DGKB: variants seen among roughly 807,000 people sequenced by gnomAD.
The protein encoded by DGKB is diacylglycerol kinase beta.
In DGKB, 67 loss-of-function variants were observed where a neutral mutation model predicts 114.3. The ratio of observed to expected loss-of-function variants is 0.59; its 90% confidence interval spans 0.48 to 0.72. The LOEUF (loss-of-function observed/expected upper bound fraction) is 0.72. DGKB is among the 30% of genes least tolerant of loss of function. DGKB has a pLI of 0.00. For synonymous variants in DGKB, 398 were observed against 323.1 expected (o/e 1.23, Z -2.49); for missense variants, 907 against 975.2 (o/e 0.93, Z 0.93).
chr7:14,389,642 G>A (rs192113474), intron 21 of DGKB, among the ~76,000 whole-genome samples: 11 of 152,266 alleles, frequency 7.2e-5, no homozygotes, highest in Admixed American at 3.9e-4. Flanking sequence ...TCCTCTAAGC[G>A]AAATCAATCA....
At chr7:14,685,847 G>C (rs539345464) in intron 9 of DGKB, among the ~76,000 whole-genome samples, 33 of 152,280 alleles carry the variant, frequency 2.2e-4, no homozygotes, top group African/African-American at 7.9e-4. Flanking sequence ...AGGTGGCAGA[G>C]GAATGGGATG....
At chr7:14,784,127 A>G (rs992383635) in intron 2 of DGKB, among the ~76,000 whole-genome samples, 1 of 152,092 alleles carries the variant, frequency 6.6e-6, no homozygotes, top group African/African-American at 2.4e-5. Flanking sequence ...AAGTAAATAT[A>G]ATTAGATTAT....
At chr7:14,632,288 C>T (rs1472574996) in intron 13 of DGKB, among the ~76,000 whole-genome samples, 1 of 151,746 alleles carries the variant, frequency 6.6e-6, no homozygotes, top group Non-Finnish European at 1.5e-5. Flanking sequence ...ATAATAATGT[C>T]ATTAGGTAGA....
chr7:14,325,856 T>C (rs1195642806), intron 23 of DGKB, among the ~76,000 whole-genome samples: 1 of 152,154 alleles, frequency 6.6e-6, no homozygotes, highest in African/African-American at 2.4e-5. Flanking sequence ...GGCTATATGT[T>C]TGGATGTGCT....
At chr7:14,870,643 A>G (rs1027570999) in intron 1 of DGKB, among the ~76,000 whole-genome samples, 2 of 152,070 alleles carry the variant, frequency 1.3e-5, no homozygotes, top group Non-Finnish European at 2.9e-5. Flanking sequence ...TAAAAATACA[A>G]AAACACCCGG....
chr7:14,181,807 T>A (rs1584295972), intron 23 of DGKB, among the ~76,000 whole-genome samples: 1 of 152,330 alleles, frequency 6.6e-6, no homozygotes, highest in South Asian at 2.1e-4. Context: ...GAAAACAAAG[T>A]ACGTTTCTGA....
rs186583939 is a variant in DGKB, at chr7:14,530,871, G to A, written c.1770+43341C>T. Among the ~76,000 whole-genome samples the A allele has an allele frequency of 1.9e-3, 287 of 151,368 alleles. 2 individuals are homozygous for A. The highest frequency in any genetic ancestry group is 6.6e-3 in the African/African-American group (275 of 41,424). On this transcript the variant is annotated intron_variant, in intron 20 of 25. Transcript: ENST00000402815. ...TGAATGAATACAAACTTTATTTCCCGGTTCATTTTATCTAGGCTATTTTCT... is the reference window on the plus strand; with the variant it reads ...TGAATGAATACAAACTTTATTTCCCAGTTCATTTTATCTAGGCTATTTTCT...
intron 17 of DGKB, among the ~76,000 whole-genome samples, chr7:14,593,730 G>C (rs1345480624): frequency 2.6e-5 from 4 of 151,722 alleles, no homozygotes; most frequent in African/African-American, 7.2e-5. Flanking sequence ...CTGAGCTTCT[G>C]CACTAGGCCC....
At position 14,613,285 on chromosome 7, in the gene DGKB, G is replaced by A. The variant is rs147026437; in HGVS notation, c.1358+55C>T. ...TTAAGCATTTTTACATCATAGTTTT[G>A]TCTATTTTTTTACATATACATGACA... On this transcript the variant is annotated intron_variant, in intron 16 of 25. Transcript: ENST00000402815. 99 of 1,034,484 alleles carry A rather than the reference G, an allele frequency of 9.6e-5. No homozygotes were observed. The African/African-American group carries it at 1.2e-3, about 13-fold the overall frequency. 64.1% of individuals were successfully genotyped at this position (1,034,484 alleles called of 1,614,324 possible). A position where few individuals can be genotyped will look rare whatever the true frequency, so the allele number is the denominator to read the frequency against.
chr7:14,773,790 T>A (rs7776924), intron 2 of DGKB, among the ~76,000 whole-genome samples: 53,582 of 151,846 alleles, frequency 0.35, 12,935 homozygotes, highest in African/African-American at 0.67. Flanking sequence ...CATAAATAAA[T>A]ATATATATAT....
chr7:14,226,858 T>G (rs1790881576), intron 23 of DGKB, among the ~76,000 whole-genome samples: 1 of 152,090 alleles, frequency 6.6e-6, no homozygotes, highest in Non-Finnish European at 1.5e-5. Context: ...TACTTTAAAT[T>G]ACATAATTTT....
chr7:14,293,124 T>C (rs1802020656), intron 23 of DGKB, among the ~76,000 whole-genome samples: 1 of 152,234 alleles, frequency 6.6e-6, no homozygotes, highest in African/African-American at 2.4e-5. Flanking sequence ...CAGATATTGC[T>C]ATTTGTTAAA....
At chr7:14,700,767 C>T (rs1418699510) in intron 7 of DGKB, among the ~76,000 whole-genome samples, 13 of 152,112 alleles carry the variant, frequency 8.5e-5, no homozygotes, top group Non-Finnish European at 8.8e-5. Context: ...TTTCAGAGAT[C>T]ATGTCTATTT....
chr7:14,918,976 T>C (rs1784374491), intron 1 of DGKB, among the ~76,000 whole-genome samples: 1 of 151,232 alleles, frequency 6.6e-6, no homozygotes, highest in African/African-American at 2.4e-5. Flanking sequence ...GGCAGGAGAA[T>C]CGTTTGAACC....
intron 21 of DGKB, among the ~76,000 whole-genome samples, chr7:14,466,869 A>G (rs2128879433): frequency 6.6e-6 from 1 of 152,220 alleles, no homozygotes; most frequent in African/African-American, 2.4e-5. Context: ...GAGAGGCTAG[A>G]TGGATTCAGC....
chr7:14,267,290 C>T (rs34289290), intron 23 of DGKB, among the ~76,000 whole-genome samples: 15,859 of 151,964 alleles, frequency 0.1, 1,397 homozygotes, highest in East Asian at 0.32. Flanking sequence ...ACTAGCTATT[C>T]AGCTACAAAA....
rs552094046 is a variant in DGKB, at chr7:14,297,396, C to T, written c.2122+41119G>A. ...GCATCCCTGGGATGCAAGGCTGGTT[C>T]AACATACACAAATCAATAAACGTAA... On this transcript the variant is annotated intron_variant, in intron 23 of 25. Coordinates refer to ENST00000402815, the MANE Select transcript of DGKB (RefSeq NM_001350709.2). 9.5e-4 allele frequency among the ~76,000 whole-genome samples: 144 copies of T among 152,240 alleles called. 1 individual carries two copies. The highest frequency in any genetic ancestry group is 3.3e-3 in the African/African-American group (137 of 41,546).
chr7:14,693,324 T>C (rs1823220165), intron 9 of DGKB, among the ~76,000 whole-genome samples: 1 of 152,092 alleles, frequency 6.6e-6, no homozygotes, highest in Non-Finnish European at 1.5e-5. Context: ...ATAGATTTCA[T>C]CAGATTTTTA....
At chr7:14,658,474 G>A (rs1462000970) in intron 13 of DGKB, among the ~76,000 whole-genome samples, 1 of 151,826 alleles carries the variant, frequency 6.6e-6, no homozygotes, top group Non-Finnish European at 1.5e-5. Context: ...ATACAAACAC[G>A]AGGTTAGATA....
Sources: gnomAD v4.1 joint callset for allele counts (sites outside exome capture counted in the v4.1 genomes callset) on GRCh38, gnomAD v4.1.1 for gene constraint, MANE v1.5 for transcripts, NCBI Gene and HGNC (gene_info 2026-07-23, HGNC 2026-07-21) for gene names.